PACS1: variants seen among roughly 807,000 people sequenced by gnomAD.
PACS1 encodes phosphofurin acidic cluster sorting protein 1, also known as PACS-1.
In PACS1, 24 loss-of-function variants were observed where a neutral mutation model predicts 115.0. The ratio of observed to expected loss-of-function variants is 0.21; its 90% CI spans 0.15 to 0.29. The LOEUF is 0.29. Among genes scored for constraint, PACS1 ranks in the 10% least tolerant of loss-of-function variants. The probability of loss-of-function intolerance (pLI) is 1.00; values close to 1 mark genes in which losing one functional copy is unlikely to be tolerated. For missense variants in PACS1, 838 were observed against 1,251.2 expected, an observed-to-expected ratio of 0.67 and a Z score of 4.98; for synonymous variants, 453 against 504.5, an observed-to-expected ratio of 0.90 and a Z score of 1.37.
intron 1 of PACS1, among the ~76,000 whole-genome samples, chr11:66,189,027 C>G (rs1854454971): frequency 6.6e-6 from 1 of 152,126 alleles, no homozygotes; most frequent in South Asian, 2.1e-4. Flanking sequence ...TTCTTAACTT[C>G]CAGCATCCGT....
At chr11:66,143,933 C>G (rs1859060428) in intron 1 of PACS1, among the ~76,000 whole-genome samples, 1 of 152,198 alleles carries the variant, frequency 6.6e-6, no homozygotes, top group Non-Finnish European at 1.5e-5. Flanking sequence ...AACCACTGCA[C>G]CTGGCCCCTG....
intron 1 of PACS1, among the ~76,000 whole-genome samples, chr11:66,137,773 G>C (rs913650264): frequency 6.6e-6 from 1 of 152,184 alleles, no homozygotes; most frequent in African/African-American, 2.4e-5. Flanking sequence ...CAGCATGATA[G>C]GTTAAAAAGT....
At chr11:66,135,658 G>A (rs962500310) in intron 1 of PACS1, among the ~76,000 whole-genome samples, 2 of 138,590 alleles carry the variant, frequency 1.4e-5, no homozygotes, top group Non-Finnish European at 3.1e-5. Flanking sequence ...CCTCTCCTGC[G>A]CTTTTTTTTT....
chr11:66,227,442 TAAAAC>T (rs1452962041), intron 10 of PACS1, 57 bp from the exon 11 acceptor site: 1 of 937,210 alleles, frequency 1.1e-6, no homozygotes, highest in African/African-American at 1.7e-5. Context: ...AGGGACCTAG[TAAAAC>T]AAATTAAAGT....
At chr11:66,198,595 G>C (rs2889313) in intron 2 of PACS1, among the ~76,000 whole-genome samples, 29,071 of 151,824 alleles carry the variant, frequency 0.19, 2,805 homozygotes, top group Middle Eastern at 0.28. Flanking sequence ...GGTTAGGGGT[G>C]GGGGTGGGCA....
At chr11:66,215,272 C>T (rs1471745535) in intron 4 of PACS1, among the ~76,000 whole-genome samples, 2 of 151,644 alleles carry the variant, frequency 1.3e-5, no homozygotes, top group Admixed American at 6.6e-5. Context: ...TCTTTAAGCA[C>T]ATGGCCCTGA....
chr11:66,136,726 G>A (rs1858854338), intron 1 of PACS1, among the ~76,000 whole-genome samples: 1 of 152,018 alleles, frequency 6.6e-6, no homozygotes, highest in African/African-American at 2.4e-5. Context: ...TTTTTAAGCA[G>A]GCCCATTCCA....
intron 1 of PACS1, among the ~76,000 whole-genome samples, chr11:66,189,682 C>T (rs1482975900): frequency 2.0e-5 from 3 of 152,188 alleles, no homozygotes; most frequent in African/African-American, 7.2e-5. Flanking sequence ...AAACTCATGT[C>T]CCTGACTGAC....
Position 66,081,695 on chromosome 11 carries a change from C to G in PACS1, c.356+10853C>G, listed in dbSNP as rs1269791828. Among the ~76,000 whole-genome samples, 3 of 152,212 alleles carry G rather than the reference C, an allele frequency of 2.0e-5. No individual in the cohort carries two copies. The East Asian group carries it at 5.8e-4, about 29-fold the overall frequency. ...TACAGGCCCCGCCTGCAAACCACAG[C>G]TTTGTTTTGAGCCAGCTTGACTTGA... On this transcript the variant is annotated intron_variant, in intron 1 of 23. Coordinates refer to ENST00000320580, the MANE Select transcript of PACS1 (RefSeq NM_018026.4).
chr11:66,243,331 G>A lies in PACS1; in HGVS notation c.*51G>A, dbSNP rs1205258727. On this transcript the variant is annotated 3_prime_UTR_variant, in exon 24 of 24. Coordinates refer to ENST00000320580, the MANE Select transcript of PACS1 (RefSeq NM_018026.4). ...TCCTGGCACTGCCACCAGCCTCACC[G>A]CCTGCGGGCAGGGGGAGGCCAGCAG... 6.1e-6 allele frequency: 8 copies of A among 1,314,398 alleles called. No homozygotes were observed. The highest frequency in any genetic ancestry group is 2.5e-5 in the East Asian group (1 of 39,864). The allele number at this position is 1,314,398 out of a possible 1,614,324, so 81.4% of individuals were successfully genotyped here. A position where few individuals can be genotyped will look rare whatever the true frequency, so the allele number is the denominator to read the frequency against.
At chr11:66,090,879 C>T (rs1210034744) in intron 1 of PACS1, among the ~76,000 whole-genome samples, 1 of 151,926 alleles carries the variant, frequency 6.6e-6, no homozygotes, top group Non-Finnish European at 1.5e-5. Flanking sequence ...AAATCCTTGG[C>T]CTGTTAGTGG....
intron 1 of PACS1, among the ~76,000 whole-genome samples, chr11:66,083,632 A>G (rs1857522590): frequency 1.3e-5 from 2 of 152,222 alleles, no homozygotes; most frequent in Admixed American, 1.3e-4. Context: ...AGCCACACTG[A>G]TAAATGAATG....
At chr11:66,172,744 G>A (rs558123836) in intron 1 of PACS1, among the ~76,000 whole-genome samples, 4 of 152,218 alleles carry the variant, frequency 2.6e-5, no homozygotes, top group Admixed American at 2.0e-4. Flanking sequence ...TTGGGAGGCC[G>A]AGGCAGCCAG....
chr11:66,202,115 C>T lies in PACS1; in HGVS notation c.445-8247C>T, dbSNP rs558154093. Among the ~76,000 whole-genome samples the T allele has an allele frequency of 8.5e-5, 13 of 152,138 alleles. No individual in the cohort carries two copies. In the East Asian group the frequency reaches 2.1e-3, roughly 25 times the overall value. On this transcript the variant is annotated intron_variant, in intron 2 of 23. Transcript: ENST00000320580. ...GTGGCTGCTATGAGCAGCTATATAC[C>T]GATAAACTGGAGAACCTAGAAGAAA...
chr11:66,197,594 G>A (rs75130403), intron 2 of PACS1, among the ~76,000 whole-genome samples: 2,251 of 152,154 alleles, frequency 0.015, 23 homozygotes, highest in Non-Finnish European at 0.023. Context: ...AAGAGTTCAA[G>A]ACCATCCTGG....
chr11:66,227,512 G>A lies in PACS1; in HGVS notation c.1302G>A (p.Leu434=). The part of the protein sequence containing the change: ...LGKDTTSPME[L]AALEKIKSTW... The stretch of plus-strand genomic sequence containing the variant: ...TCTTATAATTTTTGCAGATGGAATT[G>A]GCTGCTCTAGAAAAAATTAAATCTA... Residue 434 remains leucine (L), a synonymous_variant, in exon 11 of 24, where the codon TTG becomes TTA. Transcript: ENST00000320580. The A allele has an allele frequency of 6.3e-7, 1 of 1,596,608 alleles. No individual in the cohort carries two copies. The highest frequency in any genetic ancestry group is 8.6e-7 in the Non-Finnish European group (1 of 1,166,474).
rs553501665 is a variant in PACS1 at position 66,216,358 on chromosome 11, A to C, written c.805+95A>C. ...TGCCTGAGATGTTCCTGGGCAAGAG[A>C]CCTTTAGAGACCCCTGAAAGTAAAA... is the stretch of plus-strand genomic sequence containing the variant. On this transcript the variant is annotated intron_variant, in intron 5 of 23. Coordinates refer to ENST00000320580, the MANE Select transcript of PACS1 (RefSeq NM_018026.4). 1.4e-4 allele frequency: 209 copies of C among 1,488,820 alleles called. No homozygotes were observed. In the African/African-American group the frequency reaches 2.6e-3, roughly 19 times the overall value. 92.2% of individuals were successfully genotyped at this position (1,488,820 alleles called of 1,614,324 possible). A position where few individuals can be genotyped will look rare whatever the true frequency, so the allele number is the denominator to read the frequency against.
At chr11:66,154,375 G>C (rs1298062711) in intron 1 of PACS1, among the ~76,000 whole-genome samples, 7 of 151,992 alleles carry the variant, frequency 4.6e-5, no homozygotes, top group Non-Finnish European at 7.4e-5. Context: ...GGAATTCAAG[G>C]CTGCAGTGAG....
At chr11:66,113,096 T>A (rs1858222957) in intron 1 of PACS1, among the ~76,000 whole-genome samples, 1 of 152,202 alleles carries the variant, frequency 6.6e-6, no homozygotes, top group African/African-American at 2.4e-5. Flanking sequence ...AATGGAAATG[T>A]TCTGTATCTT....
Sources: allele counts gnomAD v4.1 joint callset (sites outside exome capture counted in the v4.1 genomes callset), GRCh38; gene constraint gnomAD v4.1.1; transcripts MANE v1.5; gene names NCBI Gene and HGNC (gene_info 2026-07-23, HGNC 2026-07-21).